Variants in KIZ observed in about 807,000 individuals in gnomAD.
KIZ encodes the protein centrosomal protein kizuna.
Under a neutral mutation model 79.6 loss-of-function variants are expected in KIZ, and 68 were observed. The ratio of observed to expected loss-of-function variants is 0.85; its 90% CI spans 0.70 to 1.05. The LOEUF is 1.05. KIZ is among the 50% of genes least tolerant of loss of function. The pLI, the probability that KIZ is intolerant of heterozygous loss-of-function variation, is 0.00. For synonymous variants in KIZ, 280 were observed against 281.8 expected, an observed-to-expected ratio of 0.99 and a Z score of 0.06; for missense variants, 797 against 800.4, an observed-to-expected ratio of 1.00 and a Z score of 0.05.
At chr20:21,215,688 T>A (rs375288219) in intron 9 of KIZ, 40 bp downstream of exon 9, 2 of 1,368,102 alleles carry the variant, frequency 1.5e-6, no homozygotes, top group East Asian at 4.7e-5. Flanking sequence ...ACACAAGATT[T>A]AGCATTATTA....
At chr20:21,180,345 T>C (rs1370355439) in intron 6 of KIZ, among the ~76,000 whole-genome samples, 4 of 152,006 alleles carry the variant, frequency 2.6e-5, no homozygotes, top group Non-Finnish European at 5.9e-5. Context: ...TTAAGTAAAT[T>C]ATGACATTTT....
At chr20:21,213,015 A>G (rs1319160389) in intron 7 of KIZ, among the ~76,000 whole-genome samples, 2 of 152,246 alleles carry the variant, frequency 1.3e-5, no homozygotes, top group South Asian at 4.1e-4. Flanking sequence ...CACCACAGAA[A>G]GGTCCTGGCT....
At chr20:21,177,061 A>C (rs1438389822) in intron 6 of KIZ, among the ~76,000 whole-genome samples, 1 of 151,508 alleles carries the variant, frequency 6.6e-6, no homozygotes, top group African/African-American at 2.4e-5. Context: ...TGTGATGAAC[A>C]CTGGAGTGCT....
chr20:21,223,893 G>C lies in KIZ; in HGVS notation c.1679-5118G>C, dbSNP rs375827905. Among the ~76,000 whole-genome samples the C allele has an allele frequency of 1.4e-3, 209 of 152,178 alleles. 1 individual carries two copies. The highest frequency in any genetic ancestry group is 0.011 in the South Asian group (51 of 4,818). On this transcript the variant is annotated intron_variant, in intron 9 of 12. Transcript: ENST00000619189. ...GGGTTTCACCATGTTGGTCAGGCTGGTCTTGAACTCCTGACCTCAAGTGAT... is the reference window on the plus strand; with the variant it reads ...GGGTTTCACCATGTTGGTCAGGCTGCTCTTGAACTCCTGACCTCAAGTGAT...
chr20:21,220,520 A>G (rs968534346), intron 9 of KIZ, among the ~76,000 whole-genome samples: 3 of 151,932 alleles, frequency 2.0e-5, no homozygotes, highest in Non-Finnish European at 4.4e-5. Context: ...GTCTCACTCC[A>G]TCACCCAGGC....
intron 2 of KIZ, among the ~76,000 whole-genome samples, chr20:21,134,370 GC>G (rs1268380793): frequency 6.6e-6 from 1 of 152,088 alleles, no homozygotes; most frequent in Non-Finnish European, 1.5e-5. Flanking sequence ...AGCCTCACCA[GC>G]TCTGAGCCGG....
intron 4 of KIZ, among the ~76,000 whole-genome samples, chr20:21,161,393 A>G (rs970103228): frequency 3.3e-5 from 5 of 152,184 alleles, no homozygotes; most frequent in Admixed American, 2.0e-4. Context: ...GTGCAGTGGC[A>G]TGATCTCGGC....
intron 6 of KIZ, among the ~76,000 whole-genome samples, chr20:21,175,382 A>G (rs753667710): frequency 5.3e-4 from 81 of 152,182 alleles, no homozygotes; most frequent in Non-Finnish European, 8.8e-4. Context: ...AGTCACAGCC[A>G]TTGTCACTTG....
chr20:21,162,306 A>G lies in KIZ; in HGVS notation c.841A>G (p.Arg281Gly), dbSNP rs778340669. Reference protein sequence around the residue: ...SAELNSPLRERLSPENRTTDL... With the variant: ...SAELNSPLREGLSPENRTTDL... The stretch of plus-strand genomic sequence containing the variant: ...TGAACTCAATTCCCCGTTACGGGAA[A>G]GATTAAGTCCAGAGAACAGAACCAC... Residue 281 changes from arginine to glycine, a missense_variant, in exon 5 of 13, where the codon AGA (arginine) becomes GGA (glycine). Physicochemically the swap from Arg to Gly is moderately radical, Grantham distance 125 (BLOSUM62 -2). Coordinates refer to ENST00000619189, the MANE Select transcript of KIZ (RefSeq NM_018474.6). 3.7e-6 allele frequency: 6 copies of G among 1,613,788 alleles called. No homozygotes were observed. The East Asian group carries it at 8.9e-5, about 24-fold the overall frequency.
intron 1 of KIZ, among the ~76,000 whole-genome samples, chr20:21,128,332 C>A (rs1482872206): frequency 6.6e-6 from 1 of 152,098 alleles, no homozygotes. Flanking sequence ...CCTTTTTAAA[C>A]AAAGAAACAC....
At chr20:21,154,009 A>G (rs2033245994) in intron 4 of KIZ, 2 of 152,192 alleles carry the variant, frequency 1.3e-5, no homozygotes, top group East Asian at 1.9e-4. Context: ...TATAATAAAC[A>G]TATAACTTCA....
intron 2 of KIZ, among the ~76,000 whole-genome samples, chr20:21,132,680 G>T (rs578247105): frequency 1.3e-5 from 2 of 152,222 alleles, no homozygotes; most frequent in African/African-American, 2.4e-5. Flanking sequence ...GTTAAAATCG[G>T]TATGAGATCA....
At chr20:21,245,887 C>A (rs1318473809) in intron 12 of KIZ, 1 of 152,430 alleles carries the variant, frequency 6.6e-6, no homozygotes, top group African/African-American at 2.4e-5. Context: ...CTCAGGGGGC[C>A]CCAGCAGGCT....
chr20:21,234,761 A>C (rs916360565), intron 11 of KIZ, among the ~76,000 whole-genome samples: 7 of 150,148 alleles, frequency 4.7e-5, no homozygotes, highest in East Asian at 2.0e-4. Flanking sequence ...AAAAAAAAAA[A>C]CCCACTGGAC....
intron 1 of KIZ, among the ~76,000 whole-genome samples, chr20:21,129,072 G>T (rs1600337076): frequency 6.6e-6 from 1 of 152,170 alleles, no homozygotes; most frequent in Non-Finnish European, 1.5e-5. Context: ...TGTAAGAATT[G>T]CAAGCCATGG....
intron 6 of KIZ, among the ~76,000 whole-genome samples, chr20:21,183,318 C>A (rs1268588904): frequency 6.6e-6 from 1 of 152,222 alleles, no homozygotes; most frequent in Non-Finnish European, 1.5e-5. Context: ...GATGGTTGCA[C>A]AACTCTGAGT....
intron 6 of KIZ, chr20:21,166,406 G>C: frequency 1.3e-5 from 21 of 1,597,232 alleles, no homozygotes; most frequent in Non-Finnish European, 1.8e-5. Context: ...TGCCTGTGAG[G>C]TTCACAACAA....
chr20:21,210,262 C>T (rs146593264), intron 7 of KIZ, among the ~76,000 whole-genome samples: 3 of 151,966 alleles, frequency 2.0e-5, no homozygotes, highest in African/African-American at 7.3e-5. Context: ...GAGCTTCGAT[C>T]GCGCCACTGC....
intron 6 of KIZ, chr20:21,195,163 A>C (rs546308289): frequency 6.6e-6 from 1 of 152,360 alleles, no homozygotes; most frequent in East Asian, 1.9e-4. Flanking sequence ...GAGGGTGATG[A>C]GATGAGCTAG....
Sources: gnomAD v4.1 joint callset for allele counts (sites outside exome capture counted in the v4.1 genomes callset) on GRCh38, gnomAD v4.1.1 for gene constraint, MANE v1.5 for transcripts, NCBI Gene and HGNC (gene_info 2026-07-23, HGNC 2026-07-21) for gene names.